ZNF638: variants seen among roughly 807,000 people sequenced by gnomAD.
ZNF638 encodes the protein zinc finger protein 638.
ZNF638 carries 46 observed loss-of-function variants against 195.6 expected under a neutral mutation model. That is an observed-to-expected ratio of 0.24 (90% CI 0.19 to 0.30). The LOEUF (loss-of-function observed/expected upper bound fraction) is 0.30, where lower values mean the gene tolerates loss of function less well. Ranked by LOEUF, ZNF638 falls within the 10% of genes least tolerant of loss-of-function variation. The probability of loss-of-function intolerance (pLI) is 1.00; values close to 1 mark genes in which losing one functional copy is unlikely to be tolerated. For synonymous variants in ZNF638, 845 were observed against 772.0 expected (o/e 1.09, Z -1.57); for missense variants, 2,440 against 2,325.3 (o/e 1.05, Z -1.01).
intron 22 of ZNF638, 51 bp downstream of exon 22, chr2:71,424,089 C>G: frequency 6.4e-7 from 1 of 1,568,444 alleles, no homozygotes; most frequent in Non-Finnish European, 8.6e-7. Context: ...TGATTAGCTC[C>G]GCTGCTGTAG....
At chr2:71,374,870 G>A (rs1247968897) in intron 8 of ZNF638, 2 of 152,216 alleles carry the variant, frequency 1.3e-5, no homozygotes, top group African/African-American at 2.4e-5. Context: ...GTAGCACTGA[G>A]CTGAGATAGC....
At chr2:71,375,815 A>C (rs2079411190) in intron 8 of ZNF638, 3 of 152,228 alleles carry the variant, frequency 2.0e-5, no homozygotes, top group Non-Finnish European at 4.4e-5. Context: ...AGAGCACTGA[A>C]GTCCAATTAG....
At chr2:71,401,859 G>A (rs2080013170) in intron 15 of ZNF638, 97 bp from the exon 16 acceptor site, 4 of 1,080,250 alleles carry the variant, frequency 3.7e-6, no homozygotes, top group African/African-American at 3.2e-5. Flanking sequence ...AGTATTAAAT[G>A]CAACAATATA....
intron 1 of ZNF638, among the ~76,000 whole-genome samples, chr2:71,341,422 G>A (rs982400204): frequency 7.2e-5 from 11 of 152,120 alleles, no homozygotes; most frequent in African/African-American, 2.4e-4. Context: ...AGAGCAAATA[G>A]TATACTTCTA....
chr2:71,377,935 G>A (rs1020063678), intron 8 of ZNF638, among the ~76,000 whole-genome samples: 3 of 152,180 alleles, frequency 2.0e-5, no homozygotes, highest in Admixed American at 6.5e-5. Context: ...ATTATGATTC[G>A]TTGTAATTGA....
Position 71,355,899 on chromosome 2 carries a change from T to C in ZNF638, c.1379+119T>C, listed in dbSNP as rs77648881. On this transcript the variant is annotated intron_variant, in intron 3 of 27. Coordinates refer to ENST00000264447, the MANE Select transcript of ZNF638 (RefSeq NM_014497.5). ...GGAGAAAAATATTTTTGGAAAGCTA[T>C]TGTCTTTTAAAAATATTAGTTTTCT... is the stretch of plus-strand genomic sequence containing the variant. The C allele has an allele frequency of 6.0e-5, 30 of 503,994 alleles. No individual in the cohort carries two copies. The East Asian group carries it at 1.1e-3, about 18-fold the overall frequency. The allele number at this position is 503,994 out of a possible 1,614,324, so 31.2% of individuals were successfully genotyped here.
chr2:71,407,808 A>C (rs1014998341), intron 19 of ZNF638: 2 of 183,998 alleles, frequency 1.1e-5, no homozygotes, highest in Admixed American at 1.2e-4. Context: ...GTCACTTAGT[A>C]TAATGTCTCT....
intron 5 of ZNF638, 85 bp downstream of exon 5, chr2:71,364,337 C>A: frequency 1.4e-6 from 2 of 1,380,464 alleles, no homozygotes; most frequent in Non-Finnish European, 2.0e-6. Flanking sequence ...GAGAAATGTT[C>A]TACTTTATTA....
chr2:71,345,588 C>T (rs931903767), intron 1 of ZNF638, among the ~76,000 whole-genome samples: 2 of 152,092 alleles, frequency 1.3e-5, no homozygotes, highest in Admixed American at 1.3e-4. Context: ...CACCATGTTG[C>T]CCAGGCTGGC....
intron 1 of ZNF638, among the ~76,000 whole-genome samples, chr2:71,345,176 C>T (rs2078829733): frequency 1.3e-5 from 2 of 152,044 alleles, no homozygotes; most frequent in Admixed American, 1.3e-4. Context: ...TAAATGTTAT[C>T]ACAGGTATGG....
At chr2:71,417,822 A>T (rs2080334763) in intron 20 of ZNF638, among the ~76,000 whole-genome samples, 2 of 152,198 alleles carry the variant, frequency 1.3e-5, no homozygotes, top group African/African-American at 4.8e-5. Context: ...GGAAGTCTTT[A>T]CTGTTGGACT....
At chr2:71,401,203 C>T (rs1258583263) in intron 15 of ZNF638, among the ~76,000 whole-genome samples, 1 of 150,506 alleles carries the variant, frequency 6.6e-6, no homozygotes, top group East Asian at 1.9e-4. Context: ...GCCTTTTTTT[C>T]CCCCTAGATA....
intron 1 of ZNF638, among the ~76,000 whole-genome samples, chr2:71,344,383 C>T (rs2078816997): frequency 6.6e-6 from 1 of 152,136 alleles, no homozygotes; most frequent in Non-Finnish European, 1.5e-5. Flanking sequence ...TTTATAATTG[C>T]AGAAGCATGA....
At chr2:71,389,008 T>C (rs1198455545) in intron 10 of ZNF638, among the ~76,000 whole-genome samples, 2 of 152,014 alleles carry the variant, frequency 1.3e-5, no homozygotes, top group Non-Finnish European at 2.9e-5. Flanking sequence ...GGGCAACGGG[T>C]CCCAGTAACA....
chr2:71,400,436 A>G (rs2079984028), intron 14 of ZNF638, 42 bp from the exon 15 acceptor site: 2 of 1,571,840 alleles, frequency 1.3e-6, no homozygotes, highest in East Asian at 2.3e-5. Flanking sequence ...TAGGATCTTG[A>G]TAAGTATGTC....
intron 2 of ZNF638, among the ~76,000 whole-genome samples, chr2:71,354,985 T>G (rs953024916): frequency 7.9e-5 from 12 of 152,120 alleles, no homozygotes; most frequent in Admixed American, 5.2e-4. Flanking sequence ...TTTATTTTTT[T>G]GGAGACAGAG....
chr2:71,406,284 T>G (rs748024184), intron 19 of ZNF638, 22 bp downstream of exon 19: 1 of 1,602,170 alleles, frequency 6.2e-7, no homozygotes, highest in South Asian at 1.1e-5. Flanking sequence ...CCTCATAATT[T>G]AGCTATTCAT....
At chr2:71,433,140 C>T in intron 26 of ZNF638, 25 bp from the exon 27 acceptor site, 1 of 1,436,616 alleles carries the variant, frequency 7.0e-7, no homozygotes, top group Non-Finnish European at 9.8e-7. Context: ...TGTTAATTTT[C>T]TTCTTGTCTC....
intron 20 of ZNF638, 53 bp downstream of exon 20, chr2:71,408,300 A>G (rs946940474): frequency 6.3e-7 from 1 of 1,579,594 alleles, no homozygotes; most frequent in Non-Finnish European, 8.6e-7. Flanking sequence ...CAGAGAACAT[A>G]AAGGTCATTC....
Sources: allele counts gnomAD v4.1 joint callset (sites outside exome capture counted in the v4.1 genomes callset), GRCh38; gene constraint gnomAD v4.1.1; transcripts MANE v1.5; gene names NCBI Gene and HGNC (gene_info 2026-07-23, HGNC 2026-07-21).